Variants in NUF2 observed in about 807,000 individuals in gnomAD.
The protein encoded by NUF2 is NUF2 component of NDC80 kinetochore complex.
NUF2 carries 34 observed loss-of-function variants against 61.8 expected under a neutral mutation model. That is an observed-to-expected ratio of 0.55 (90% CI 0.42 to 0.73). The LOEUF is 0.73. Ranked by LOEUF, NUF2 falls within the 30% of genes least tolerant of loss-of-function variation. The probability of loss-of-function intolerance (pLI) is 0.00; values close to 1 mark genes in which losing one functional copy is unlikely to be tolerated. For synonymous variants in NUF2, 172 were observed against 181.6 expected, an observed-to-expected ratio of 0.95 and a Z score of 0.42; for missense variants, 445 against 539.1, an observed-to-expected ratio of 0.83 and a Z score of 1.73.
chr1:163,336,859 A>C lies in NUF2; in HGVS notation c.435+11A>C. 6.5e-7 allele frequency: 1 copy of C among 1,549,590 alleles called. No individual in the cohort carries two copies. Among genetic ancestry groups the C allele is most frequent in the Non-Finnish European group, 8.9e-7 (1 of 1,121,504 alleles). ...TTTCTTTGGCAATATGTAAGATTTA[A>C]ATATGTTTTGGGGTTACATGCCAGA... On this transcript the variant is annotated intron_variant, in intron 6 of 13. Coordinates refer to ENST00000271452, the MANE Select transcript of NUF2 (RefSeq NM_145697.3).
At chr1:163,337,425 C>T (rs1196520473) in intron 6 of NUF2, among the ~76,000 whole-genome samples, 1 of 151,974 alleles carries the variant, frequency 6.6e-6, no homozygotes, top group Non-Finnish European at 1.5e-5. Context: ...AGAAAAACAC[C>T]AGAGTAACTC....
chr1:163,331,407 A>G (rs1304088122), intron 5 of NUF2, among the ~76,000 whole-genome samples: 1 of 151,788 alleles, frequency 6.6e-6, no homozygotes, highest in African/African-American at 2.4e-5. Flanking sequence ...TGATTTGCTA[A>G]TATTTTATTA....
intron 5 of NUF2, among the ~76,000 whole-genome samples, chr1:163,334,755 A>C (rs1450660989): frequency 1.3e-5 from 2 of 152,190 alleles, no homozygotes; most frequent in East Asian, 3.9e-4. Flanking sequence ...TCCCAGCCTG[A>C]GCAACAGAGT....
At chr1:163,326,302 A>ATTCTCTCTCAAT in intron 2 of NUF2, 128 bp downstream of exon 2, 2 of 749,794 alleles carry the variant, frequency 2.7e-6, no homozygotes, top group Non-Finnish European at 4.2e-6. Flanking sequence ...TCATTGAGAG[A>ATTCTCTCTCAAT]GAATCTCTCA....
chr1:163,332,463 C>A (rs757146269), intron 5 of NUF2, among the ~76,000 whole-genome samples: 1 of 152,068 alleles, frequency 6.6e-6, no homozygotes, highest in Non-Finnish European at 1.5e-5. Flanking sequence ...CTTAAGATAA[C>A]ATACATTTAT....
At chr1:163,345,929 C>A in intron 11 of NUF2, 111 bp downstream of exon 11, 1 of 734,978 alleles carries the variant, frequency 1.4e-6, no homozygotes, top group Non-Finnish European at 2.2e-6. Context: ...CAGGGTCATT[C>A]TACAGTATAA....
intron 8 of NUF2, 139 bp from the exon 9 acceptor site, chr1:163,340,225 A>C: frequency 1.5e-6 from 1 of 649,720 alleles, no homozygotes; most frequent in South Asian, 1.9e-5. Flanking sequence ...GCTTAGGAGC[A>C]TCATGAACAG....
At chr1:163,324,549 A>G (rs1650348803) in intron 1 of NUF2, among the ~76,000 whole-genome samples, 1 of 152,218 alleles carries the variant, frequency 6.6e-6, no homozygotes, top group East Asian at 1.9e-4. Context: ...AGATTGTCAG[A>G]ATTGTGGCCC....
intron 5 of NUF2, among the ~76,000 whole-genome samples, chr1:163,332,133 C>T: frequency 6.6e-6 from 1 of 151,918 alleles, no homozygotes; most frequent in East Asian, 1.9e-4. Flanking sequence ...TTCCCTCTAG[C>T]ACTGCTTTAG....
intron 3 of NUF2, 164 bp from the exon 4 acceptor site, chr1:163,328,064 G>T: frequency 2.1e-6 from 1 of 484,724 alleles, no homozygotes. Context: ...CACCTACTGT[G>T]AACCTAGCAT....
intron 7 of NUF2, among the ~76,000 whole-genome samples, 154 bp downstream of exon 7, chr1:163,338,247 A>G (rs961842363): frequency 6.6e-6 from 1 of 151,446 alleles, no homozygotes; most frequent in African/African-American, 2.4e-5. Context: ...TAAAAAAAAA[A>G]AAAAGAAAAA....
At chr1:163,351,194 T>G (rs1651304637) in intron 13 of NUF2, among the ~76,000 whole-genome samples, 1 of 152,180 alleles carries the variant, frequency 6.6e-6, no homozygotes, top group Admixed American at 6.5e-5. Context: ...CTAAACACAG[T>G]CTTCCAAAAT....
intron 6 of NUF2, among the ~76,000 whole-genome samples, chr1:163,337,293 C>T (rs1650789583): frequency 6.6e-6 from 1 of 152,032 alleles, no homozygotes; most frequent in Non-Finnish European, 1.5e-5. Context: ...CAGTCCAAGG[C>T]AATCTCTTTA....
In NUF2 at chr1:163,332,092, T is replaced by C. The variant is rs75595407; in HGVS notation, c.337+3185T>C. 2.0e-4 allele frequency among the ~76,000 whole-genome samples: 30 copies of C among 152,222 alleles called. No homozygotes were observed. In the East Asian group the frequency reaches 4.8e-3, roughly 24 times the overall value. On this transcript the variant is annotated intron_variant, in intron 5 of 13. Coordinates refer to ENST00000271452, the MANE Select transcript of NUF2 (RefSeq NM_145697.3). The stretch of plus-strand genomic sequence containing the variant: ...GTCCATTAATTAGATACCTTTCTTC[T>C]TTCCTAATATAGGTATTTATTGCTG...
In NUF2 at chr1:163,327,340, A is replaced by C. The variant is rs1557946472; in HGVS notation, c.124-148A>C. ...TCATAAGGTGTTTTAAAATTTGGAA[A>C]AATTAAGGAATATTTCAAGGGAAAT... On this transcript the variant is annotated intron_variant, in intron 2 of 13. Transcript: ENST00000271452. The C allele has an allele frequency of 5.3e-6, 3 of 569,224 alleles. No individual in the cohort carries two copies. The East Asian group carries it at 8.7e-5, about 17-fold the overall frequency. The allele number at this position is 569,224 out of a possible 1,614,324, so 35.3% of individuals were successfully genotyped here.
At chr1:163,331,906 C>T (rs1262870781) in intron 5 of NUF2, among the ~76,000 whole-genome samples, 1 of 151,620 alleles carries the variant, frequency 6.6e-6, no homozygotes. Flanking sequence ...ATCAGCTTAT[C>T]ACTTTTCAAA....
chr1:163,352,605 G>A (rs558002636), intron 13 of NUF2, among the ~76,000 whole-genome samples: 13 of 152,278 alleles, frequency 8.5e-5, no homozygotes, highest in African/African-American at 2.6e-4. Context: ...GGTGGCTCAC[G>A]CCTGTAATCC....
chr1:163,340,931 C>G (rs1650923035), intron 9 of NUF2, among the ~76,000 whole-genome samples: 6 of 152,126 alleles, frequency 3.9e-5, no homozygotes, highest in Admixed American at 3.9e-4. Context: ...ATGTGTGTAT[C>G]ATATGCATAC....
intron 4 of NUF2, 28 bp from the exon 5 acceptor site, chr1:163,328,818 A>G: frequency 6.8e-7 from 1 of 1,460,088 alleles, no homozygotes; most frequent in Non-Finnish European, 9.6e-7. Flanking sequence ...AATACTTTTC[A>G]ATAGTCTTTT....
Sources: gnomAD v4.1 joint callset for allele counts (sites outside exome capture counted in the v4.1 genomes callset) on GRCh38, gnomAD v4.1.1 for gene constraint, MANE v1.5 for transcripts, NCBI Gene and HGNC (gene_info 2026-07-23, HGNC 2026-07-21) for gene names.